MYO10: variants seen among roughly 807,000 people sequenced by gnomAD.
MYO10 encodes myosin X, also known as unconventional myosin-X.
In MYO10, 133 loss-of-function variants were observed where a neutral mutation model predicts 257.3. The observed-to-expected ratio is 0.52, with a 90% CI of 0.45 to 0.60. The LOEUF (loss-of-function observed/expected upper bound fraction) is 0.60, where lower values mean the gene tolerates loss of function less well. Ranked by LOEUF, MYO10 falls within the 20% of genes least tolerant of loss-of-function variation. The probability of loss-of-function intolerance (pLI) is 0.00; values close to 1 mark genes in which losing one functional copy is unlikely to be tolerated. For missense variants in MYO10, 2,399 were observed against 2,635.7 expected, an observed-to-expected ratio of 0.91 and a Z score of 1.97; for synonymous variants, 1,104 against 1,028.6, an observed-to-expected ratio of 1.07 and a Z score of -1.40.
At chr5:16,768,074 G>A (rs1740932804) in intron 10 of MYO10, among the ~76,000 whole-genome samples, 2 of 151,998 alleles carry the variant, frequency 1.3e-5, no homozygotes, top group South Asian at 4.2e-4. Context: ...ATATTAAGAG[G>A]TGCTGGGTAG....
chr5:16,890,237 T>A (rs551402879), intron 1 of MYO10, among the ~76,000 whole-genome samples: 2 of 151,800 alleles, frequency 1.3e-5, no homozygotes, highest in Non-Finnish European at 2.9e-5. Flanking sequence ...ACACATAATG[T>A]GTTGGCAAGA....
chr5:16,699,134 G>T (rs1230952250), intron 26 of MYO10, among the ~76,000 whole-genome samples: 1 of 152,098 alleles, frequency 6.6e-6, no homozygotes, highest in Non-Finnish European at 1.5e-5. Context: ...GGAGAGACAG[G>T]GGAGAAGGAC....
At chr5:16,790,473 T>C (rs1387334478) in intron 4 of MYO10, among the ~76,000 whole-genome samples, 1 of 152,190 alleles carries the variant, frequency 6.6e-6, no homozygotes, top group African/African-American at 2.4e-5. Flanking sequence ...GGGAGGGACC[T>C]GGTGGGAGAC....
At chr5:16,845,334 C>T (rs1443197274) in intron 2 of MYO10, among the ~76,000 whole-genome samples, 2 of 151,996 alleles carry the variant, frequency 1.3e-5, no homozygotes, top group African/African-American at 4.8e-5. Flanking sequence ...AAAGAGCTGT[C>T]CCACGATTAT....
intron 2 of MYO10, among the ~76,000 whole-genome samples, chr5:16,825,965 C>A (rs570820122): frequency 6.6e-6 from 1 of 151,986 alleles, no homozygotes. Flanking sequence ...CTGGTCAACA[C>A]GGTGAAACCC....
intron 9 of MYO10, among the ~76,000 whole-genome samples, chr5:16,772,437 G>T (rs946966170): frequency 6.6e-6 from 1 of 152,138 alleles, no homozygotes; most frequent in Non-Finnish European, 1.5e-5. Flanking sequence ...CCAGCCTATG[G>T]TATACTTTTT....
intron 2 of MYO10, among the ~76,000 whole-genome samples, chr5:16,873,893 C>T (rs991425008): frequency 5.3e-5 from 8 of 152,148 alleles, no homozygotes; most frequent in Admixed American, 1.3e-4. Context: ...CATTTTTCCT[C>T]CTGGGCCTCT....
chr5:16,740,781 G>A (rs574693446), intron 19 of MYO10, among the ~76,000 whole-genome samples: 3 of 152,006 alleles, frequency 2.0e-5, no homozygotes, highest in Non-Finnish European at 4.4e-5. Flanking sequence ...CGTTGTAAGA[G>A]AGGTAGAAAA....
intron 4 of MYO10, among the ~76,000 whole-genome samples, chr5:16,792,402 GCA>G (rs1436575408): frequency 1.3e-5 from 2 of 152,128 alleles, no homozygotes; most frequent in Non-Finnish European, 2.9e-5. Flanking sequence ...CAAGCTCTTG[GCA>G]CAGAGTCCAA....
intron 1 of MYO10, among the ~76,000 whole-genome samples, chr5:16,904,507 G>A (rs1745467665): frequency 6.6e-6 from 1 of 152,200 alleles, no homozygotes; most frequent in Non-Finnish European, 1.5e-5. Context: ...TCAACCTGTG[G>A]GGTCTGACGC....
chr5:16,748,778 G>A (rs1175954663), intron 19 of MYO10, among the ~76,000 whole-genome samples: 1 of 152,138 alleles, frequency 6.6e-6, no homozygotes, highest in Non-Finnish European at 1.5e-5. Context: ...TCTGCACAGA[G>A]CTCTCACTGC....
intron 2 of MYO10, among the ~76,000 whole-genome samples, chr5:16,849,480 A>G (rs1345035409): frequency 6.6e-6 from 1 of 152,206 alleles, no homozygotes; most frequent in Non-Finnish European, 1.5e-5. Context: ...GGATATATCC[A>G]GAGATTCTTA....
intron 1 of MYO10, among the ~76,000 whole-genome samples, chr5:16,910,656 G>A (rs1288017235): frequency 1.3e-5 from 2 of 152,150 alleles, no homozygotes; most frequent in East Asian, 1.9e-4. Context: ...CATTTTTAAT[G>A]CATTCACCAT....
In MYO10 at chr5:16,766,182, C is replaced by T. The variant is rs756834676; in HGVS notation, c.1077G>A (p.Ala359=). The T allele has an allele frequency of 3.0e-5, 49 of 1,613,126 alleles. No homozygotes were observed. Among genetic ancestry groups the T allele is most frequent in the East Asian group, 2.0e-4 (9 of 44,882 alleles). The stretch of plus-strand genomic sequence containing the variant: ...GTGTTGGGTCCAGCCCAAGTAACTC[C>T]GCAGATCTGCCCAAAGCTGCAGAGA... ...VSFKTALGRS[A]ELLGLDPTQL... is the part of the protein sequence containing the mutation. Residue 359 remains alanine (A), a synonymous_variant, in exon 11 of 41, where the codon GCG becomes GCA. Coordinates refer to ENST00000513610, the MANE Select transcript of MYO10 (RefSeq NM_012334.3).
chr5:16,769,514 G>T (rs1391716819), intron 9 of MYO10, among the ~76,000 whole-genome samples: 1 of 152,006 alleles, frequency 6.6e-6, no homozygotes, highest in African/African-American at 2.4e-5. Flanking sequence ...TTTTGTGTGT[G>T]TTTTTTGTAG....
rs1222964834 is a variant in MYO10, at chr5:16,875,623, C to G, written c.120+1986G>C. Among the ~76,000 whole-genome samples the G allele has an allele frequency of 4.6e-5, 7 of 152,134 alleles. No individual in the cohort carries two copies. The East Asian group carries it at 1.3e-3, about 29-fold the overall frequency. The stretch of plus-strand genomic sequence containing the variant: ...TATATCTATATACTGAAAATCCATT[C>G]AAGACTCTCAGAAGAAAAAGAAATG... On this transcript the variant is annotated intron_variant, in intron 2 of 40. Coordinates refer to ENST00000513610, the MANE Select transcript of MYO10 (RefSeq NM_012334.3).
At chr5:16,699,404 C>T (rs1188648787) in intron 26 of MYO10, 46 bp downstream of exon 26, 2 of 1,594,512 alleles carry the variant, frequency 1.3e-6, no homozygotes, top group Admixed American at 1.7e-5. Context: ...TAAAATAACG[C>T]CTCGCTCTCC....
chr5:16,732,170 A>C (rs990862961), intron 19 of MYO10, among the ~76,000 whole-genome samples: 1 of 152,198 alleles, frequency 6.6e-6, no homozygotes, highest in Admixed American at 6.5e-5. Flanking sequence ...TGGATACTGC[A>C]AATCAATTAA....
intron 2 of MYO10, among the ~76,000 whole-genome samples, chr5:16,861,959 C>T (rs1744120588): frequency 6.6e-6 from 1 of 152,106 alleles, no homozygotes; most frequent in African/African-American, 2.4e-5. Context: ...AGGAATTAAA[C>T]AGGACAAACA....
Sources: gnomAD v4.1 joint callset for allele counts (sites outside exome capture counted in the v4.1 genomes callset) on GRCh38, gnomAD v4.1.1 for gene constraint, MANE v1.5 for transcripts, NCBI Gene and HGNC (gene_info 2026-07-23, HGNC 2026-07-21) for gene names.